CEACAM5: variants seen among roughly 807,000 people sequenced by gnomAD.
The protein encoded by CEACAM5 is cell adhesion molecule CEACAM5.
Under a neutral mutation model 63.0 loss-of-function variants are expected in CEACAM5, and 52 were observed. The ratio of observed to expected loss-of-function variants is 0.83; its 90% CI spans 0.66 to 1.04. The LOEUF (loss-of-function observed/expected upper bound fraction) is 1.04. Among genes scored for constraint, CEACAM5 ranks in the 50% least tolerant of loss-of-function variants. CEACAM5 has a pLI of 0.00. For missense variants in CEACAM5, 790 were observed against 864.8 expected, an observed-to-expected ratio of 0.91 and a Z score of 1.08; for synonymous variants, 357 against 351.3, an observed-to-expected ratio of 1.02 and a Z score of -0.18.
intron 8 of CEACAM5, among the ~76,000 whole-genome samples, chr19:41,726,546 G>A (rs1337729271): frequency 1.3e-5 from 2 of 152,176 alleles, no homozygotes; most frequent in African/African-American, 4.8e-5. Context: ...TGGAATTAGA[G>A]GTGCAAGATA....
intron 6 of CEACAM5, 103 bp downstream of exon 6, chr19:41,718,485 T>C (rs1303840242): frequency 4.9e-6 from 6 of 1,233,984 alleles, no homozygotes; most frequent in South Asian, 1.4e-5. Flanking sequence ...ATGCATCCAA[T>C]GGGCACAAGC....
intron 5 of CEACAM5, 30 bp downstream of exon 5, chr19:41,717,763 G>C (rs782441194): frequency 6.2e-7 from 1 of 1,607,556 alleles, no homozygotes; most frequent in Non-Finnish European, 8.5e-7. Context: ...CTGTGGCTCA[G>C]GCTGCCAGCC....
At chr19:41,722,283 G>A (rs562943754) in intron 8 of CEACAM5, among the ~76,000 whole-genome samples, 12 of 145,930 alleles carry the variant, frequency 8.2e-5, no homozygotes, top group African/African-American at 2.8e-4. Flanking sequence ...AGAATCGCTC[G>A]AACCTGGGCG....
chr19:41,721,289 GAAATCCCA>G, intron 8 of CEACAM5, 113 bp downstream of exon 8: 1 of 1,225,450 alleles, frequency 8.2e-7, no homozygotes, highest in Non-Finnish European at 1.2e-6. Context: ...TGGGCACAAG[GAAATCCCA>G]AATTCTATCC....
chr19:41,729,089 G>A (rs1346736856), intron 9 of CEACAM5, 95 bp from the exon 10 acceptor site: 6 of 152,172 alleles, frequency 3.9e-5, no homozygotes, highest in Non-Finnish European at 8.8e-5. Context: ...ATATGCCACA[G>A]AAGTAACTAA....
rs1555815456 is a variant in CEACAM5 at position 41,718,338 on chromosome 19, C to T, written c.1448C>T (p.Ala483Val). The T allele has an allele frequency of 6.2e-7, 1 of 1,613,976 alleles. No individual in the cohort carries two copies. Among genetic ancestry groups the T allele is most frequent in the Admixed American group, 1.7e-5 (1 of 60,006 alleles). The change falls in exon 6 of 10, where the codon GCC (alanine) becomes GTC (valine). Residue 483 changes from alanine (A) to valine (V), a missense_variant. Physicochemically the swap from Ala to Val is moderately conservative, Grantham distance 64. Transcript: ENST00000221992. ...GLYTCQANNSASGHSRTTVKT... is the reference protein window; with the variant it reads ...GLYTCQANNSVSGHSRTTVKT... ...TATACCTGCCAGGCCAATAACTCAG[C>T]CAGTGGCCACAGCAGGACTACAGTC...
chr19:41,722,952 G>A (rs993587377), intron 8 of CEACAM5, among the ~76,000 whole-genome samples: 1 of 152,108 alleles, frequency 6.6e-6, no homozygotes, highest in South Asian at 2.1e-4. Flanking sequence ...CTGTCGACCA[G>A]GCTGGAGTGC....
chr19:41,721,045 T>C lies in CEACAM5; in HGVS notation c.1895T>C (p.Ile632Thr). Residue 632 changes from isoleucine to threonine, a missense_variant, in exon 8 of 10, where the codon ATA becomes ACA. Ile to Thr is a moderately conservative substitution (Grantham distance 89). Coordinates refer to ENST00000221992, the MANE Select transcript of CEACAM5 (RefSeq NM_004363.6). ...CAGTATTCTTGGCGTATCAATGGGA[T>C]ACCGCAGCAACACACACAAGTTCTC... ...SPQYSWRING[I>T]PQQHTQVLFI... is the part of the protein sequence containing the mutation. 1 of 1,614,210 alleles carries C rather than the reference T, an allele frequency of 6.2e-7. No homozygotes were observed. Among genetic ancestry groups the C allele is most frequent in the South Asian group, 1.1e-5 (1 of 91,082 alleles).
chr19:41,718,408 A>C, intron 6 of CEACAM5, 26 bp downstream of exon 6: 1 of 1,611,392 alleles, frequency 6.2e-7, no homozygotes, highest in Non-Finnish European at 8.5e-7. Context: ...GACCGTTAGC[A>C]ATATGTTCTG....
At position 41,709,860 on chromosome 19, in the gene CEACAM5, A is replaced by T. The variant is rs143925794; in HGVS notation, c.245A>T (p.Tyr82Phe). The T allele has an allele frequency of 7.4e-6, 12 of 1,613,988 alleles. No individual in the cohort carries two copies. The highest frequency in any genetic ancestry group is 3.3e-4 in the Middle Eastern group (2 of 6,084). The change falls in exon 2 of 10, where the codon TAT becomes TTT. Residue 82 changes from tyrosine (Y) to phenylalanine (F), a missense_variant. Physicochemically the swap from Tyr to Phe is conservative, Grantham distance 22. Coordinates refer to ENST00000221992, the MANE Select transcript of CEACAM5 (RefSeq NM_004363.6). ...RVDGNRQIIG[Y>F]VIGTQQATPG... is the part of the protein sequence containing the mutation. ...GATGGCAACCGTCAAATTATAGGAT[A>T]TGTAATAGGAACTCAACAAGCTACC...
intron 9 of CEACAM5, among the ~76,000 whole-genome samples, chr19:41,728,786 CAAAA>C (rs55647539): frequency 1.5e-3 from 113 of 73,276 alleles, no homozygotes; most frequent in African/African-American, 6.1e-3. Flanking sequence ...GACTCCGTCT[CAAAA>C]AAAAAAAAAA....
intron 8 of CEACAM5, among the ~76,000 whole-genome samples, chr19:41,723,047 A>G (rs10411490): frequency 0.042 from 6,353 of 151,030 alleles, 434 homozygotes; most frequent in African/African-American, 0.15. Context: ...AGCTGGGACT[A>G]CAGGTGCCCG....
At chr19:41,726,939 A>G (rs894358231) in intron 8 of CEACAM5, among the ~76,000 whole-genome samples, 3 of 152,240 alleles carry the variant, frequency 2.0e-5, no homozygotes, top group African/African-American at 7.2e-5. Context: ...AGATGCAACC[A>G]TGAAAAGATA....
rs151278589 is a variant in CEACAM5 at position 41,709,631 on chromosome 19, C to T, written c.65-49C>T. 1.8e-4 allele frequency: 284 copies of T among 1,568,976 alleles called. No individual in the cohort carries two copies. In the African/African-American group the frequency reaches 3.4e-3, roughly 19 times the overall value. ...AGGACCCAGGACCCCATTTTTCCAC[C>T]CTAATGCATAGGTCCCAATATTGAC... On this transcript the variant is annotated intron_variant, in intron 1 of 9. Coordinates refer to ENST00000221992, the MANE Select transcript of CEACAM5 (RefSeq NM_004363.6).
chr19:41,727,055 G>T (rs1397674320), intron 8 of CEACAM5, among the ~76,000 whole-genome samples, 179 bp from the exon 9 acceptor site: 1 of 152,186 alleles, frequency 6.6e-6, no homozygotes, highest in Non-Finnish European at 1.5e-5. Flanking sequence ...ACAGAAGACT[G>T]ATCACCAACT....
At chr19:41,715,542 C>T (rs1555814861) in intron 3 of CEACAM5, 108 bp from the exon 4 acceptor site, 1 of 1,443,820 alleles carries the variant, frequency 6.9e-7, no homozygotes, top group Non-Finnish European at 9.6e-7. Flanking sequence ...TTGGCTGAGA[C>T]TTTAGGATTG....
intron 9 of CEACAM5, among the ~76,000 whole-genome samples, chr19:41,728,653 G>GATT (rs2072731173): frequency 6.6e-6 from 1 of 152,108 alleles, no homozygotes; most frequent in Admixed American, 6.5e-5. Flanking sequence ...TGGGCATGGT[G>GATT]GCACGTGCCT....
chr19:41,718,171 C>G lies in CEACAM5; in HGVS notation c.1281C>G (p.Tyr427Ter). The G allele has an allele frequency of 6.2e-7, 1 of 1,614,208 alleles. No homozygotes were observed. Among genetic ancestry groups the G allele is most frequent in the Admixed American group, 1.7e-5 (1 of 60,026 alleles). Residue 427 changes from tyrosine (Y) to a stop codon, truncating the protein, a stop_gained, in exon 6 of 10, where the codon TAC (tyrosine) becomes TAG (stop). Transcript: ENST00000221992. LOFTEE classifies it high-confidence loss of function. ...DPTISPSYTYYRPGVNLSLSC... is the reference protein window; with the variant it reads ...DPTISPSYTY ...CCATTTCCCCCTCATACACCTATTA[C>G]CGTCCAGGGGTGAACCTCAGCCTCT... is the stretch of plus-strand genomic sequence containing the variant.
At position 41,718,207 on chromosome 19, in the gene CEACAM5, A is replaced by T. The variant is rs782740108; in HGVS notation, c.1317A>T (p.Ala439=). 1 of 1,614,178 alleles carries T rather than the reference A, an allele frequency of 6.2e-7. No individual in the cohort carries two copies. Among genetic ancestry groups the T allele is most frequent in the South Asian group, 1.1e-5 (1 of 91,082 alleles). Residue 439 remains alanine (A), a synonymous_variant, in exon 6 of 10, where the codon GCA becomes GCT. Coordinates refer to ENST00000221992, the MANE Select transcript of CEACAM5 (RefSeq NM_004363.6). Reference sequence around the variant, plus strand: ...TGAACCTCAGCCTCTCCTGCCATGCAGCCTCTAACCCACCTGCACAGTATT... The same window carrying T: ...TGAACCTCAGCCTCTCCTGCCATGCTGCCTCTAACCCACCTGCACAGTATT... ...PGVNLSLSCH[A]ASNPPAQYSW...
Sources: allele counts gnomAD v4.1 joint callset (sites outside exome capture counted in the v4.1 genomes callset), GRCh38; gene constraint gnomAD v4.1.1; transcripts MANE v1.5; gene names NCBI Gene and HGNC (gene_info 2026-07-23, HGNC 2026-07-21).